FANCC: variants seen among roughly 807,000 people sequenced by gnomAD.
The protein encoded by FANCC is FA complementation group C, also known as Fanconi anemia group C protein.
A neutral mutation model predicts 71.3 loss-of-function variants in FANCC; 55 were observed. The observed-to-expected ratio is 0.77, with a 90% confidence interval of 0.62 to 0.97. The LOEUF (loss-of-function observed/expected upper bound fraction) is 0.97. Ranked by LOEUF, FANCC falls within the 50% of genes least tolerant of loss-of-function variation. The probability of loss-of-function intolerance (pLI) is 0.00; values close to 1 mark genes in which losing one functional copy is unlikely to be tolerated. For synonymous variants in FANCC, 275 were observed against 244.9 expected, an observed-to-expected ratio of 1.12 and a Z score of -1.15; for missense variants, 678 against 670.9, an observed-to-expected ratio of 1.01 and a Z score of -0.12.
chr9:95,230,981 C>T (rs757098441), intron 4 of FANCC, among the ~76,000 whole-genome samples: 13 of 152,084 alleles, frequency 8.5e-5, no homozygotes, highest in African/African-American at 2.9e-4. Flanking sequence ...TACAGAGCAC[C>T]GACTGGTGCG....
At chr9:95,178,154 C>T (rs1341784544) in intron 4 of FANCC, among the ~76,000 whole-genome samples, 1 of 152,048 alleles carries the variant, frequency 6.6e-6, no homozygotes, top group East Asian at 1.9e-4. Context: ...GACACCCCTG[C>T]TCTAGTCTCT....
At chr9:95,240,137 G>C (rs1208325502) in intron 4 of FANCC, among the ~76,000 whole-genome samples, 1 of 152,148 alleles carries the variant, frequency 6.6e-6, no homozygotes, top group Non-Finnish European at 1.5e-5. Context: ...TGGAAAGTGT[G>C]AGTGAGCAGC....
chr9:95,257,366 G>A (rs1283900762), intron 1 of FANCC, among the ~76,000 whole-genome samples: 1 of 152,146 alleles, frequency 6.6e-6, no homozygotes, highest in Non-Finnish European at 1.5e-5. Flanking sequence ...TAGAACTCAG[G>A]ATTAAGAAAC....
chr9:95,264,981 CTT>C (rs58211170), intron 1 of FANCC, among the ~76,000 whole-genome samples: 3 of 132,816 alleles, frequency 2.3e-5, no homozygotes, highest in Non-Finnish European at 1.6e-5. Context: ...GTGTTTGTGG[CTT>C]TTTTTTTTTT....
intron 4 of FANCC, among the ~76,000 whole-genome samples, chr9:95,191,651 C>G (rs1206299500): frequency 6.6e-6 from 1 of 152,136 alleles, no homozygotes; most frequent in Non-Finnish European, 1.5e-5. Context: ...CTTAGCCCAG[C>G]CATCCCCAAG....
chr9:95,316,417 C>A (rs1402296277), intron 1 of FANCC, among the ~76,000 whole-genome samples: 1 of 152,182 alleles, frequency 6.6e-6, no homozygotes, highest in African/African-American at 2.4e-5. Context: ...CTGTTTGTAA[C>A]AACCTTTCAG....
At chr9:95,300,336 C>T (rs983507669) in intron 1 of FANCC, among the ~76,000 whole-genome samples, 1 of 150,840 alleles carries the variant, frequency 6.6e-6, no homozygotes, top group East Asian at 1.9e-4. Context: ...AAGTAAAAGA[C>T]TAAAAGGAAA....
intron 1 of FANCC, among the ~76,000 whole-genome samples, chr9:95,286,917 C>T (rs1833722890): frequency 6.6e-6 from 1 of 152,212 alleles, no homozygotes; most frequent in Non-Finnish European, 1.5e-5. Context: ...TTCTGTATCT[C>T]ATTTATATAT....
chr9:95,138,863 C>T (rs896231099), intron 7 of FANCC, among the ~76,000 whole-genome samples: 6 of 152,194 alleles, frequency 3.9e-5, no homozygotes, highest in African/African-American at 1.4e-4. Context: ...CGTGATGCGC[C>T]CATTCTAGTT....
At chr9:95,136,762 G>C (rs928535263) in intron 7 of FANCC, among the ~76,000 whole-genome samples, 3 of 152,114 alleles carry the variant, frequency 2.0e-5, no homozygotes, top group African/African-American at 7.2e-5. Flanking sequence ...GGGAATACAG[G>C]CCTGAGCCCC....
At chr9:95,141,919 A>G (rs1246750524) in intron 7 of FANCC, among the ~76,000 whole-genome samples, 1 of 150,726 alleles carries the variant, frequency 6.6e-6, no homozygotes, top group African/African-American at 2.4e-5. Context: ...AATACTACAC[A>G]TTGTCAAAAA....
intron 1 of FANCC, among the ~76,000 whole-genome samples, chr9:95,252,274 C>CAAAAAAAAAAA (rs71366284): frequency 4.9e-3 from 238 of 48,402 alleles, no homozygotes; most frequent in Non-Finnish European, 6.1e-3. Context: ...GAGACTGATT[C>CAAAAAAAAAAA]AAAAAAAAAA....
intron 1 of FANCC, among the ~76,000 whole-genome samples, chr9:95,271,405 G>T (rs1345854200): frequency 6.6e-6 from 1 of 152,216 alleles, no homozygotes; most frequent in Non-Finnish European, 1.5e-5. Context: ...TTATGACAGA[G>T]GCAGAGCAAG....
chr9:95,253,465 A>T (rs1042697106), intron 1 of FANCC, among the ~76,000 whole-genome samples: 1 of 152,164 alleles, frequency 6.6e-6, no homozygotes, highest in Non-Finnish European at 1.5e-5. Context: ...CAATATTTTT[A>T]AATATTTCAC....
At chr9:95,139,564 C>A (rs992476289) in intron 7 of FANCC, among the ~76,000 whole-genome samples, 1 of 151,978 alleles carries the variant, frequency 6.6e-6, no homozygotes, top group Non-Finnish European at 1.5e-5. Context: ...ACGGAGTATG[C>A]CCCTATTTCA....
At chr9:95,114,572 G>A in intron 12 of FANCC, 57 bp downstream of exon 12, 2 of 1,466,944 alleles carry the variant, frequency 1.4e-6, no homozygotes, top group East Asian at 2.3e-5. Context: ...AAGGGCAGAT[G>A]AGGATCTAGG....
At chr9:95,122,584 C>A (rs553185247) in intron 10 of FANCC, among the ~76,000 whole-genome samples, 3 of 152,184 alleles carry the variant, frequency 2.0e-5, no homozygotes, top group Non-Finnish European at 4.4e-5. Context: ...TGTGGTCCCA[C>A]GTCCTTAGAT....
intron 4 of FANCC, among the ~76,000 whole-genome samples, chr9:95,219,963 G>A (rs1466501263): frequency 6.6e-6 from 1 of 152,026 alleles, no homozygotes; most frequent in African/African-American, 2.4e-5. Flanking sequence ...TTGCAATCTA[G>A]CCATCTGACA....
At chr9:95,110,820 T>C (rs1374187073) in intron 13 of FANCC, 2 of 1,149,662 alleles carry the variant, frequency 1.7e-6, no homozygotes, top group Non-Finnish European at 2.1e-6. Flanking sequence ...AATCAAAGCA[T>C]TGCTTCCTGT....
Sources: gnomAD v4.1 joint callset for allele counts (sites outside exome capture counted in the v4.1 genomes callset) on GRCh38, gnomAD v4.1.1 for gene constraint, MANE v1.5 for transcripts, NCBI Gene and HGNC (gene_info 2026-07-23, HGNC 2026-07-21) for gene names.